Variants in LMBR1 observed in about 807,000 individuals in gnomAD.
LMBR1 encodes the protein limb region 1 protein homolog.
A neutral mutation model predicts 73.9 loss-of-function variants in LMBR1; 52 were observed. The ratio of observed to expected loss-of-function variants is 0.70; its 90% CI spans 0.56 to 0.89. The LOEUF is 0.89. Ranked by LOEUF, LMBR1 falls within the 40% of genes least tolerant of loss-of-function variation. The pLI is 0.00. For synonymous variants in LMBR1, 215 were observed against 209.4 expected, an observed-to-expected ratio of 1.03 and a Z score of -0.23; for missense variants, 539 against 579.8, an observed-to-expected ratio of 0.93 and a Z score of 0.72.
intron 5 of LMBR1, among the ~76,000 whole-genome samples, chr7:156,774,961 C>T (rs1825865875): frequency 6.6e-6 from 1 of 152,184 alleles, no homozygotes; most frequent in Admixed American, 6.5e-5. Flanking sequence ...GGGAGCTAAA[C>T]ATTGAGTATA....
intron 4 of LMBR1, among the ~76,000 whole-genome samples, chr7:156,797,522 T>C (rs943003682): frequency 3.3e-5 from 5 of 152,192 alleles, no homozygotes; most frequent in African/African-American, 1.2e-4. Flanking sequence ...GATGTGGTGA[T>C]GAAGAAACAC....
chr7:156,710,283 G>T (rs1274951151), intron 15 of LMBR1, among the ~76,000 whole-genome samples: 3 of 152,086 alleles, frequency 2.0e-5, no homozygotes, highest in Non-Finnish European at 4.4e-5. Flanking sequence ...TAACAATATA[G>T]GATATGGATG....
intron 5 of LMBR1, among the ~76,000 whole-genome samples, chr7:156,794,791 G>C (rs976580576): frequency 2.0e-5 from 3 of 152,178 alleles, no homozygotes; most frequent in Admixed American, 6.5e-5. Flanking sequence ...CAATGTCACA[G>C]AGTCAGGTGC....
In LMBR1 at chr7:156,688,163, G is replaced by A; in HGVS notation, c.1254C>T (p.Asp418=). Residue 418 remains aspartate, a synonymous_variant, in exon 16 of 17, where the codon GAC becomes GAT. Transcript: ENST00000353442. The stretch of plus-strand genomic sequence containing the variant: ...TTCCCAGCCAATTAAACCTTCCAAA[G>A]TCGCCAAGTAGATCAAATCTAGTGA... ...LGITRFDLLG[D]FGRFNWLGNF... 1 of 1,603,384 alleles carries A rather than the reference G, an allele frequency of 6.2e-7. No homozygotes were observed. Among genetic ancestry groups the A allele is most frequent in the Non-Finnish European group, 8.5e-7 (1 of 1,176,618 alleles).
chr7:156,786,274 G>GGGAA (rs1228432682), intron 5 of LMBR1, among the ~76,000 whole-genome samples: 2 of 149,020 alleles, frequency 1.3e-5, no homozygotes, highest in East Asian at 2.0e-4. Flanking sequence ...AAGGGAAGGA[G>GGGAA]GGAAGGAAGG....
At position 156,833,806 on chromosome 7, in the gene LMBR1, T is replaced by A; in HGVS notation, c.140-14A>T. The stretch of plus-strand genomic sequence containing the variant: ...CTTCTTGTTCATCTGCAAAAATGTT[T>A]AAGGTATTAATATTCCTTTATCTTC... On this transcript the variant is annotated splice_polypyrimidine_tract_variant and intron_variant, in intron 2 of 16. Coordinates refer to ENST00000353442, the MANE Select transcript of LMBR1 (RefSeq NM_022458.4). The A allele has an allele frequency of 6.4e-7, 1 of 1,555,280 alleles. No individual in the cohort carries two copies. The highest frequency in any genetic ancestry group is 2.3e-5 in the East Asian group (1 of 43,546).
chr7:156,728,254 C>T (rs1188747840), intron 11 of LMBR1, among the ~76,000 whole-genome samples: 6 of 152,198 alleles, frequency 3.9e-5, no homozygotes, highest in Non-Finnish European at 8.8e-5. Context: ...ACTAAGTGAT[C>T]TCACCAATTG....
At chr7:156,858,024 C>T (rs1220237196) in intron 1 of LMBR1, among the ~76,000 whole-genome samples, 2 of 137,604 alleles carry the variant, frequency 1.5e-5, no homozygotes, top group Non-Finnish European at 3.1e-5. Flanking sequence ...TAAGCTTCTA[C>T]ACCTTAGGAA....
At chr7:156,676,825 T>C, downstream of LMBR1, 1 of 592,012 alleles carries the variant, frequency 1.7e-6, no homozygotes, top group Non-Finnish European at 3.0e-6. Flanking sequence ...ACATCCCACC[T>C]AATTTTAATC....
intron 1 of LMBR1, among the ~76,000 whole-genome samples, chr7:156,858,710 AC>A (rs1797315867): frequency 6.6e-6 from 1 of 152,238 alleles, no homozygotes; most frequent in Admixed American, 6.5e-5. Flanking sequence ...AGAATTATAT[AC>A]CACAACCAAG....
intron 9 of LMBR1, among the ~76,000 whole-genome samples, chr7:156,745,851 G>A (rs959467533): frequency 2.6e-5 from 4 of 152,088 alleles, no homozygotes; most frequent in Admixed American, 1.3e-4. Context: ...CCACTGAAAC[G>A]TTTTATAGTG....
chr7:156,817,544 CAGAG>C lies in LMBR1; in HGVS notation c.319+9057_319+9060del, dbSNP rs1237114408. Among the ~76,000 whole-genome samples, 7 of 142,144 alleles carry C rather than the reference CAGAG, an allele frequency of 4.9e-5. No individual in the cohort carries two copies. In the Admixed American group the frequency reaches 5.1e-4, roughly 10 times the overall value. The allele number at this position is 142,144 out of a possible 152,430, so 93.3% of individuals were successfully genotyped here. A position where few individuals can be genotyped will look rare whatever the true frequency, so the allele number is the denominator to read the frequency against. ...AGACAGACAGAGAGACAGAGACAGA[CAGAG>C]AGAGAACTTCAGAATTAGAATAGCC... On this transcript the variant is annotated intron_variant, in intron 4 of 16. Transcript: ENST00000353442.
Position 156,892,751 on chromosome 7 carries a change from GAGGGA to G in LMBR1, c.66+172_66+176del, listed in dbSNP as rs1222408470. ...GAGGGGAGGGGAGAGGAGAGGTGGG[GAGGGA>G]AGGGGAGGGGAGGGGAGAGGAGGGG... On this transcript the variant is annotated intron_variant, in intron 1 of 16. Coordinates refer to ENST00000353442, the MANE Select transcript of LMBR1 (RefSeq NM_022458.4). 0.024 allele frequency among the ~76,000 whole-genome samples: 3,045 copies of G among 128,696 alleles called. 72 individuals are homozygous for G. Among genetic ancestry groups the G allele is most frequent in the Admixed American group, 0.033 (446 of 13,568 alleles). The allele number at this position is 128,696 out of a possible 152,430, so 84.4% of individuals were successfully genotyped here.
intron 1 of LMBR1, among the ~76,000 whole-genome samples, chr7:156,891,211 A>AAAAAAAAAAAAAAAT (rs1802875174): frequency 2.5e-5 from 2 of 81,488 alleles, no homozygotes; most frequent in African/African-American, 1.0e-4. Context: ...AAAAAAAAAA[A>AAAAAAAAAAAAAAAT]ATATATATAT....
intron 5 of LMBR1, among the ~76,000 whole-genome samples, chr7:156,766,594 T>C (rs1824125921): frequency 6.6e-6 from 1 of 152,086 alleles, no homozygotes; most frequent in Non-Finnish European, 1.5e-5. Flanking sequence ...GACTAATAGA[T>C]GGCTTTCTGG....
chr7:156,814,054 A>G (rs1234816700), intron 4 of LMBR1, among the ~76,000 whole-genome samples: 1 of 152,230 alleles, frequency 6.6e-6, no homozygotes, highest in Non-Finnish European at 1.5e-5. Flanking sequence ...TGCACCAAGA[A>G]TAAGATACAG....
chr7:156,845,572 A>C (rs1170109275), intron 1 of LMBR1, among the ~76,000 whole-genome samples: 1 of 152,166 alleles, frequency 6.6e-6, no homozygotes, highest in Non-Finnish European at 1.5e-5. Flanking sequence ...TCTTAAAACA[A>C]AGTGACTCAG....
intron 4 of LMBR1, among the ~76,000 whole-genome samples, chr7:156,797,574 T>G (rs913323071): frequency 3.3e-5 from 5 of 152,236 alleles, no homozygotes; most frequent in Non-Finnish European, 7.3e-5. Flanking sequence ...CAGAGCTGCA[T>G]GCAGAGACTA....
intron 9 of LMBR1, among the ~76,000 whole-genome samples, chr7:156,741,144 G>A (rs1271642127): frequency 6.6e-6 from 1 of 151,840 alleles, no homozygotes. Context: ...TCAAATTGAA[G>A]AACATACAAT....
Sources: gnomAD v4.1 joint callset for allele counts (sites outside exome capture counted in the v4.1 genomes callset) on GRCh38, gnomAD v4.1.1 for gene constraint, MANE v1.5 for transcripts, NCBI Gene and HGNC (gene_info 2026-07-23, HGNC 2026-07-21) for gene names.